The following CABIN1 variants were observed in gnomAD, a reference collection of about 807,000 sequenced individuals.
CABIN1 encodes calcineurin binding protein 1, also known as calcineurin-binding protein cabin-1.
In CABIN1, 133 loss-of-function variants were observed where a neutral mutation model predicts 227.7. The observed-to-expected ratio is 0.58, with a 90% CI of 0.51 to 0.67. CABIN1 has a LOEUF of 0.67. Among genes scored for constraint, CABIN1 ranks in the 30% least tolerant of loss-of-function variants. The pLI, the probability that CABIN1 is intolerant of heterozygous loss-of-function variation, is 0.00. For synonymous variants in CABIN1, 1,086 were observed against 1,155.1 expected, an observed-to-expected ratio of 0.94 and a Z score of 1.21; for missense variants, 2,408 against 2,852.5, an observed-to-expected ratio of 0.84 and a Z score of 3.55.
At chr22:24,157,765 C>T (rs543994574) in intron 29 of CABIN1, among the ~76,000 whole-genome samples, 1 of 152,310 alleles carries the variant, frequency 6.6e-6, no homozygotes, top group East Asian at 1.9e-4. Context: ...TGCTCCTGAC[C>T]TCAGGGCCAG....
In CABIN1 at chr22:24,176,218, C is replaced by T. The variant is rs1360162076; in HGVS notation, c.6148C>T (p.His2050Tyr). 2 of 1,610,462 alleles carry T rather than the reference C, an allele frequency of 1.2e-6. No individual in the cohort carries two copies. The highest frequency in any genetic ancestry group is 3.3e-5 in the Admixed American group (2 of 59,816). ...CCCCACAAGTTCCCCGGCAGAGCCA[C>T]ACTGCTGGCCGGCAGAGGCTGCCCT... ...MAPTSSPAEP[H>Y]CWPAEAALGT... Residue 2050 changes from histidine to tyrosine, a missense_variant, in exon 35 of 37, where the codon CAC (histidine) becomes TAC (tyrosine). By Grantham distance (83) the His-to-Tyr change is moderately conservative. Transcript: ENST00000263119.
chr22:24,141,319 C>A (rs1226805327), intron 29 of CABIN1, among the ~76,000 whole-genome samples: 1 of 152,252 alleles, frequency 6.6e-6, no homozygotes, highest in Non-Finnish European at 1.5e-5. Flanking sequence ...GGTGGTCAAA[C>A]TTCCTGTTCT....
chr22:24,106,492 A>G (rs555210989), intron 26 of CABIN1, among the ~76,000 whole-genome samples: 1 of 152,216 alleles, frequency 6.6e-6, no homozygotes, highest in African/African-American at 2.4e-5. Context: ...AGCTTATCCA[A>G]CTGCAGGGGT....
intron 25 of CABIN1, among the ~76,000 whole-genome samples, chr22:24,097,799 C>G (rs2051637996): frequency 6.6e-6 from 1 of 152,150 alleles, no homozygotes; most frequent in African/African-American, 2.4e-5. Context: ...CGCGCCCTGC[C>G]AGAAAGATTA....
chr22:24,060,369 G>A (rs954540263), intron 12 of CABIN1, among the ~76,000 whole-genome samples: 2 of 152,130 alleles, frequency 1.3e-5, no homozygotes, highest in African/African-American at 2.4e-5. Flanking sequence ...GTGGGCTCAC[G>A]GGGCTATCAG....
intron 17 of CABIN1, 140 bp from the exon 18 acceptor site, chr22:24,072,214 T>C: frequency 1.3e-6 from 1 of 782,280 alleles, no homozygotes; most frequent in Admixed American, 2.0e-5. Flanking sequence ...ATCTGCTAGG[T>C]TACAGTGCCC....
At chr22:24,169,384 G>C (rs891653779) in intron 33 of CABIN1, among the ~76,000 whole-genome samples, 7 of 152,144 alleles carry the variant, frequency 4.6e-5, no homozygotes, top group Non-Finnish European at 1.0e-4. Context: ...AGCTGCCTTT[G>C]GGGTCCAGAC....
At chr22:24,037,790 C>T (rs2037036596) in intron 3 of CABIN1, among the ~76,000 whole-genome samples, 1 of 152,170 alleles carries the variant, frequency 6.6e-6, no homozygotes, top group Non-Finnish European at 1.5e-5. Flanking sequence ...ACAAAACTGC[C>T]CTCACTTCAG....
At chr22:24,031,122 G>A (rs2036462291) in intron 1 of CABIN1, among the ~76,000 whole-genome samples, 1 of 152,168 alleles carries the variant, frequency 6.6e-6, no homozygotes, top group Admixed American at 6.5e-5. Context: ...AGCCATTAAT[G>A]GGCCCCTCCC....
intron 1 of CABIN1, 140 bp from the exon 2 acceptor site, chr22:24,035,304 C>G (rs1357770583): frequency 1.3e-5 from 8 of 630,904 alleles, no homozygotes; most frequent in Non-Finnish European, 2.0e-5. Flanking sequence ...TGTGTTAGAC[C>G]ACACCGCTGT....
At chr22:24,044,088 G>C (rs905950742) in intron 6 of CABIN1, among the ~76,000 whole-genome samples, 2 of 152,156 alleles carry the variant, frequency 1.3e-5, no homozygotes, top group African/African-American at 4.8e-5. Flanking sequence ...TGGTACGTGG[G>C]TGGAGGGACA....
intron 34 of CABIN1, chr22:24,175,773 G>GC (rs919358851): frequency 6.1e-5 from 27 of 442,792 alleles, no homozygotes; most frequent in Admixed American, 1.1e-4. Flanking sequence ...AGTGGACACT[G>GC]CCCCCCCATC....
chr22:24,111,380 A>G (rs1326515882), intron 26 of CABIN1, among the ~76,000 whole-genome samples: 2 of 152,134 alleles, frequency 1.3e-5, no homozygotes, highest in Admixed American at 1.3e-4. Context: ...GGCGAGCACT[A>G]CCACCTGAGC....
At chr22:24,164,643 C>T (rs1602444126) in intron 30 of CABIN1, 80 bp downstream of exon 30, 1 of 1,490,648 alleles carries the variant, frequency 6.7e-7, no homozygotes, top group East Asian at 2.4e-5. Flanking sequence ...CTCTCCACTG[C>T]TCTGGCCCAG....
At chr22:24,056,449 T>A (rs2038804657) in intron 10 of CABIN1, 89 bp downstream of exon 10, 1 of 1,241,314 alleles carries the variant, frequency 8.1e-7, no homozygotes, top group Non-Finnish European at 1.2e-6. Flanking sequence ...ATTGCCACCC[T>A]CTTCTCTGGT....
chr22:24,111,774 TTAAGTTGAACCATTG>T (rs1327304457), intron 26 of CABIN1, among the ~76,000 whole-genome samples: 1 of 152,254 alleles, frequency 6.6e-6, no homozygotes, highest in East Asian at 1.9e-4. Context: ...CAAAAAAATT[TTAAGTTGAACCATTG>T]TAAGTTGGAG....
In CABIN1 at chr22:24,036,197, T is replaced by A. The variant is rs1455286156; in HGVS notation, c.96+16T>A. On this transcript the variant is annotated intron_variant, in intron 3 of 36. Coordinates refer to ENST00000263119, the MANE Select transcript of CABIN1 (RefSeq NM_012295.4). ...GGAGGCTCAGGTACGTAATGCGAGG[T>A]CTTCTCTGTAGGTGGACCTTCTCAT... 2 of 1,568,226 alleles carry A rather than the reference T, an allele frequency of 1.3e-6. No homozygotes were observed.
intron 29 of CABIN1, among the ~76,000 whole-genome samples, chr22:24,151,120 A>C (rs1292323591): frequency 6.6e-6 from 1 of 152,156 alleles, no homozygotes; most frequent in African/African-American, 2.4e-5. Context: ...TGGAGGTACC[A>C]GCTCTGCCTA....
chr22:24,065,959 G>T (rs2039641112), intron 15 of CABIN1, among the ~76,000 whole-genome samples: 2 of 152,268 alleles, frequency 1.3e-5, no homozygotes, highest in South Asian at 4.1e-4. Context: ...CAGCAGTACA[G>T]TCCAGCTTCG....
Sources: allele counts gnomAD v4.1 joint callset (sites outside exome capture counted in the v4.1 genomes callset), GRCh38; gene constraint gnomAD v4.1.1; transcripts MANE v1.5; gene names NCBI Gene and HGNC (gene_info 2026-07-23, HGNC 2026-07-21).